The following STYK1 variants were observed in gnomAD, a reference collection of about 807,000 sequenced individuals.
STYK1 encodes tyrosine-protein kinase STYK1.
STYK1 carries 46 observed loss-of-function variants against 48.1 expected under a neutral mutation model. That is an observed-to-expected ratio of 0.96 (90% CI 0.75 to 1.22). The LOEUF (loss-of-function observed/expected upper bound fraction) is 1.22. Among genes scored for constraint, STYK1 ranks in the 50% most tolerant of loss-of-function variants. STYK1 has a pLI of 0.00. For missense variants in STYK1, 527 were observed against 521.1 expected, an observed-to-expected ratio of 1.01 and a Z score of -0.11; for synonymous variants, 188 against 189.0, an observed-to-expected ratio of 0.99 and a Z score of 0.04.
At chr12:10,658,382 T>C (rs2120776098) in intron 1 of STYK1, among the ~76,000 whole-genome samples, 1 of 152,344 alleles carries the variant, frequency 6.6e-6, no homozygotes, top group Middle Eastern at 3.4e-3. Flanking sequence ...TTTGTTTGCC[T>C]TTTGAATAAA....
At chr12:10,661,217 T>C (rs2120789339) in intron 1 of STYK1, among the ~76,000 whole-genome samples, 1 of 152,370 alleles carries the variant, frequency 6.6e-6, no homozygotes, top group East Asian at 1.9e-4. Context: ...GAAAAGTTTT[T>C]GCCTAATTTT....
At chr12:10,649,963 A>G (rs1947642685) in intron 1 of STYK1, among the ~76,000 whole-genome samples, 1 of 151,706 alleles carries the variant, frequency 6.6e-6, no homozygotes, top group Non-Finnish European at 1.5e-5. Flanking sequence ...AATACAAAAA[A>G]ATTAGCCAGG....
intron 1 of STYK1, among the ~76,000 whole-genome samples, chr12:10,669,889 A>G (rs141886583): frequency 8.6e-4 from 131 of 152,336 alleles, no homozygotes; most frequent in African/African-American, 2.8e-3. Flanking sequence ...ATTCAACATC[A>G]CTGATCATCA....
In STYK1 at chr12:10,624,836, C is replaced by T. The variant is rs775404621; in HGVS notation, c.741G>A (p.Leu247=). The T allele has an allele frequency of 5.6e-6, 9 of 1,614,012 alleles. No homozygotes were observed. The highest frequency in any genetic ancestry group is 6.8e-6 in the Non-Finnish European group (8 of 1,180,026). The part of the protein sequence containing the change: ...LALEFLQEKH[L]FHGDVAARNI... Reference sequence around the variant, plus strand: ...TCCTGGCTGCCACATCCCCATGGAACAAATGCTTCTCCTGCAGGAATTCCT... The same window carrying T: ...TCCTGGCTGCCACATCCCCATGGAATAAATGCTTCTCCTGCAGGAATTCCT... The change falls in exon 8 of 11, where the codon TTG becomes TTA. Residue 247 remains leucine, a synonymous_variant. Transcript: ENST00000075503.
intron 1 of STYK1, among the ~76,000 whole-genome samples, chr12:10,663,598 CAAAAAAAAAAAAAAAAAAAAAAAAA>C (rs34019110): frequency 1.9e-5 from 1 of 51,472 alleles, no homozygotes; most frequent in East Asian, 7.3e-4. Flanking sequence ...GACTCTGTCT[CAAAAAAAAAAAAAAAAAAAAAAAAA>C]AAAAAAAAAA....
intron 7 of STYK1, among the ~76,000 whole-genome samples, chr12:10,627,398 T>G (rs1286410768): frequency 6.6e-6 from 1 of 152,238 alleles, no homozygotes; most frequent in Non-Finnish European, 1.5e-5. Context: ...GTTCCTTGTA[T>G]AAACCCTAAG....
At chr12:10,669,915 A>G (rs1269360634) in intron 1 of STYK1, among the ~76,000 whole-genome samples, 1 of 152,246 alleles carries the variant, frequency 6.6e-6, no homozygotes, top group Non-Finnish European at 1.5e-5. Flanking sequence ...AATGCAAGTT[A>G]AAACCAAAAT....
intron 1 of STYK1, among the ~76,000 whole-genome samples, chr12:10,639,245 A>G (rs1051492648): frequency 6.6e-6 from 1 of 152,228 alleles, no homozygotes; most frequent in African/African-American, 2.4e-5. Flanking sequence ...GAATCTGAGA[A>G]TTACTTGTTA....
intron 4 of STYK1, 126 bp downstream of exon 4, chr12:10,633,864 A>C (rs557395629): frequency 9.4e-6 from 11 of 1,172,668 alleles, no homozygotes; most frequent in Middle Eastern, 5.9e-4. Flanking sequence ...CATGGGAGGG[A>C]ACCCATGCCT....
chr12:10,653,471 A>G (rs1027512440), intron 1 of STYK1, among the ~76,000 whole-genome samples: 2 of 152,248 alleles, frequency 1.3e-5, no homozygotes, highest in Admixed American at 1.3e-4. Context: ...CCAAGAAAGT[A>G]GAACTATAAT....
At chr12:10,638,448 T>C (rs1947509447) in intron 1 of STYK1, among the ~76,000 whole-genome samples, 1 of 152,200 alleles carries the variant, frequency 6.6e-6, no homozygotes, top group South Asian at 2.1e-4. Flanking sequence ...GTAAAGTCCA[T>C]GCTAAATCTT....
intron 9 of STYK1, among the ~76,000 whole-genome samples, chr12:10,622,211 T>G (rs1057354705): frequency 6.6e-6 from 1 of 152,096 alleles, no homozygotes; most frequent in Non-Finnish European, 1.5e-5. Context: ...TCTAAGAAAG[T>G]GATCAAATAA....
At chr12:10,634,198 C>T (rs2252664) in intron 3 of STYK1, 74 bp from the exon 4 acceptor site, 921,848 of 1,529,264 alleles carry the variant, frequency 0.6, 281,778 homozygotes, top group East Asian at 0.77. Context: ...TTCCCCTACC[C>T]GCCAGCTCTC....
intron 7 of STYK1, among the ~76,000 whole-genome samples, chr12:10,625,179 G>A (rs1326902400): frequency 1.3e-5 from 2 of 151,912 alleles, no homozygotes; most frequent in African/African-American, 2.4e-5. Flanking sequence ...CACTGGAAAA[G>A]GGAGTAGATT....
intron 7 of STYK1, among the ~76,000 whole-genome samples, chr12:10,626,269 T>C (rs1947357764): frequency 6.6e-6 from 1 of 152,188 alleles, no homozygotes; most frequent in South Asian, 2.1e-4. Flanking sequence ...AATGCACCAA[T>C]TTGACCAATT....
chr12:10,648,535 A>T (rs1029211363), intron 1 of STYK1, among the ~76,000 whole-genome samples: 7 of 152,118 alleles, frequency 4.6e-5, no homozygotes, highest in African/African-American at 1.7e-4. Flanking sequence ...AAAGATTTTT[A>T]TCTTAACTAG....
intron 1 of STYK1, chr12:10,667,434 G>C (rs1947844553): frequency 6.6e-6 from 1 of 151,762 alleles, no homozygotes; most frequent in Non-Finnish European, 1.5e-5. Flanking sequence ...GGTTAGCCAG[G>C]GTCTTCAGCA....
intron 1 of STYK1, among the ~76,000 whole-genome samples, chr12:10,658,180 G>C (rs1396337481): frequency 6.6e-6 from 1 of 152,150 alleles, no homozygotes; most frequent in Non-Finnish European, 1.5e-5. Flanking sequence ...GCAGTGATCT[G>C]CTCCTTAACA....
At chr12:10,656,932 A>C (rs1360420615) in intron 1 of STYK1, among the ~76,000 whole-genome samples, 1 of 152,186 alleles carries the variant, frequency 6.6e-6, no homozygotes, top group African/African-American at 2.4e-5. Context: ...ATTACTTCTT[A>C]TTATGAGAGA....
Sources: gnomAD v4.1 joint callset for allele counts (sites outside exome capture counted in the v4.1 genomes callset) on GRCh38, gnomAD v4.1.1 for gene constraint, MANE v1.5 for transcripts, NCBI Gene and HGNC (gene_info 2026-07-23, HGNC 2026-07-21) for gene names.